The following CDC27 variants were observed in gnomAD, a reference collection of about 807,000 sequenced individuals.
CDC27 encodes the protein cell division cycle protein 27 homolog.
A neutral mutation model predicts 109.7 loss-of-function variants in CDC27; 27 were observed. That is an observed-to-expected ratio of 0.25 (90% CI 0.18 to 0.34). The LOEUF (loss-of-function observed/expected upper bound fraction) is 0.34. CDC27 is among the 10% of genes least tolerant of loss of function. The pLI, the probability that CDC27 is intolerant of heterozygous loss-of-function variation, is 1.00. For missense variants in CDC27, 579 were observed against 960.2 expected (o/e 0.60, Z 5.25); for synonymous variants, 266 against 333.9 (o/e 0.80, Z 2.22).
intron 4 of CDC27, among the ~76,000 whole-genome samples, chr17:47,168,341 C>G (rs866948641): frequency 1.3e-5 from 2 of 152,108 alleles, no homozygotes; most frequent in Admixed American, 1.3e-4. Flanking sequence ...CCAGTCAATT[C>G]GTTTGCATAC....
intron 16 of CDC27, among the ~76,000 whole-genome samples, chr17:47,128,271 T>C (rs1411491291): frequency 6.6e-6 from 1 of 152,180 alleles, no homozygotes; most frequent in Non-Finnish European, 1.5e-5. Context: ...CCTCAAGTGA[T>C]TTGCCCACCT....
intron 4 of CDC27, among the ~76,000 whole-genome samples, chr17:47,167,995 G>A (rs2063699403): frequency 6.6e-6 from 1 of 152,216 alleles, no homozygotes; most frequent in Non-Finnish European, 1.5e-5. Flanking sequence ...GATGAAGAGT[G>A]CATAGGGCGA....
At chr17:47,121,406 T>A (rs932545350) in intron 18 of CDC27, among the ~76,000 whole-genome samples, 3 of 152,100 alleles carry the variant, frequency 2.0e-5, no homozygotes, top group African/African-American at 7.2e-5. Context: ...GACTATAACC[T>A]TCAGTTTCAA....
chr17:47,181,518 A>G (rs1230446536), intron 2 of CDC27, 44 bp downstream of exon 2: 1 of 1,038,342 alleles, frequency 9.6e-7, no homozygotes, highest in Non-Finnish European at 1.5e-6. Context: ...AATTTCATAT[A>G]TGTTATTCAT....
intron 1 of CDC27, among the ~76,000 whole-genome samples, chr17:47,186,946 C>G (rs1479835983): frequency 6.6e-6 from 1 of 152,020 alleles, no homozygotes; most frequent in African/African-American, 2.4e-5. Flanking sequence ...ATATATCTGT[C>G]CTATTTTTAT....
chr17:47,172,193 T>C, intron 2 of CDC27, 129 bp from the exon 3 acceptor site: 1 of 553,870 alleles, frequency 1.8e-6, no homozygotes, highest in Non-Finnish European at 2.9e-6. Context: ...CAATCACTTA[T>C]TAATTCAAAT....
intron 16 of CDC27, among the ~76,000 whole-genome samples, chr17:47,129,123 A>C (rs1289532458): frequency 6.6e-6 from 1 of 152,172 alleles, no homozygotes; most frequent in Non-Finnish European, 1.5e-5. Context: ...GGATGGTTTA[A>C]GATAACTTTA....
chr17:47,164,019 CT>C (rs1257561719), intron 4 of CDC27, among the ~76,000 whole-genome samples: 2 of 152,228 alleles, frequency 1.3e-5, no homozygotes, highest in African/African-American at 4.8e-5. Flanking sequence ...CCGCCTCGGC[CT>C]CCCAAAATGC....
intron 16 of CDC27, among the ~76,000 whole-genome samples, chr17:47,124,177 A>AC (rs2062058979): frequency 1.9e-5 from 2 of 103,970 alleles, no homozygotes; most frequent in Non-Finnish European, 3.8e-5. Context: ...AGTACACTGA[A>AC]AACACACACA....
intron 12 of CDC27, among the ~76,000 whole-genome samples, chr17:47,139,285 G>C (rs979216515): frequency 2.1e-5 from 1 of 48,078 alleles, no homozygotes; most frequent in Non-Finnish European, 4.1e-5. Flanking sequence ...TTTTTTTTTT[G>C]AGATGGAGTC....
At chr17:47,134,410 G>A (rs1462107239) in intron 14 of CDC27, among the ~76,000 whole-genome samples, 1 of 149,770 alleles carries the variant, frequency 6.7e-6, no homozygotes, top group East Asian at 2.0e-4. Context: ...TTAGGCTCAC[G>A]CAATCCTCCC....
chr17:47,151,278 G>A (rs865820515), intron 9 of CDC27, among the ~76,000 whole-genome samples: 48 of 152,180 alleles, frequency 3.2e-4, no homozygotes, highest in African/African-American at 8.4e-4. Flanking sequence ...GCACACCTGT[G>A]TGTATGTCTG....
At chr17:47,143,730 T>G (rs2062867634) in intron 10 of CDC27, among the ~76,000 whole-genome samples, 153 bp downstream of exon 10, 1 of 152,122 alleles carries the variant, frequency 6.6e-6, no homozygotes, top group Admixed American at 6.6e-5. Flanking sequence ...ACTAATTAAC[T>G]TCACAAAAAT....
At chr17:47,177,450 G>A (rs1010236516) in intron 2 of CDC27, among the ~76,000 whole-genome samples, 4 of 152,074 alleles carry the variant, frequency 2.6e-5, no homozygotes, top group South Asian at 2.1e-4. Context: ...GGCCGCAGGC[G>A]CTTATAATCC....
At chr17:47,175,039 GAGGAAGGA>G (rs71138592) in intron 2 of CDC27, among the ~76,000 whole-genome samples, 10,769 of 129,910 alleles carry the variant, frequency 0.083, 589 homozygotes, top group Admixed American at 0.18. Context: ...AAGAGAGAGA[GAGGAAGGA>G]AGGAAGGAAG....
At chr17:47,122,270 A>G (rs982507063) in intron 18 of CDC27, among the ~76,000 whole-genome samples, 174 bp downstream of exon 18, 5 of 151,846 alleles carry the variant, frequency 3.3e-5, no homozygotes, top group African/African-American at 1.2e-4. Context: ...ACAGAGACTC[A>G]TTATCTGACT....
intron 9 of CDC27, among the ~76,000 whole-genome samples, chr17:47,146,748 C>CA (rs529012454): frequency 2.3e-4 from 35 of 152,160 alleles, no homozygotes; most frequent in Non-Finnish European, 3.5e-4. Context: ...TAAAGGAATG[C>CA]AAAAATATCC....
chr17:47,141,917 T>C lies in CDC27; in HGVS notation c.1487A>G (p.Tyr496Cys), dbSNP rs76995821. The change falls in exon 12 of 19, where the codon TAC becomes TGC. Residue 496 changes from tyrosine (Y) to cysteine (C), a missense_variant. Coordinates refer to ENST00000066544, the MANE Select transcript of CDC27 (RefSeq NM_001256.6). ...NILSHLPSHH[Y>C]NTGWVLCQIG... Reference sequence around the variant, plus strand: ...TTGGCACAGTACCCAACCAGTATTGTAGTGGTGAGAAGGTAGATGGCTCAA... The same window carrying C: ...TTGGCACAGTACCCAACCAGTATTGCAGTGGTGAGAAGGTAGATGGCTCAA... 6.2e-7 allele frequency: 1 copy of C among 1,607,562 alleles called. No homozygotes were observed. The highest frequency in any genetic ancestry group is 1.7e-5 in the Admixed American group (1 of 59,456).
At chr17:47,161,710 AT>A (rs2063502803) in intron 4 of CDC27, 4 of 152,290 alleles carry the variant, frequency 2.6e-5, no homozygotes, top group Non-Finnish European at 5.9e-5. Context: ...AGATCATGCC[AT>A]TGCACTCCAG....
Sources: allele counts gnomAD v4.1 joint callset (sites outside exome capture counted in the v4.1 genomes callset), GRCh38; gene constraint gnomAD v4.1.1; transcripts MANE v1.5; gene names NCBI Gene and HGNC (gene_info 2026-07-23, HGNC 2026-07-21).